Variants in PABPC4 observed in about 807,000 individuals in gnomAD.
The protein encoded by PABPC4 is poly(A) binding protein cytoplasmic 4, also known as polyadenylate-binding protein 4.
PABPC4 carries 15 observed loss-of-function variants against 74.5 expected under a neutral mutation model. The observed-to-expected ratio is 0.20, with a 90% CI of 0.13 to 0.31. The LOEUF (loss-of-function observed/expected upper bound fraction) is 0.31. Ranked by LOEUF, PABPC4 falls within the 10% of genes least tolerant of loss-of-function variation. The pLI, the probability that PABPC4 is intolerant of heterozygous loss-of-function variation, is 1.00. For synonymous variants in PABPC4, 345 were observed against 303.0 expected (o/e 1.14, Z -1.44); for missense variants, 610 against 853.5 (o/e 0.71, Z 3.55).
intron 1 of PABPC4, among the ~76,000 whole-genome samples, chr1:39,574,794 T>C (rs1323423634): frequency 6.6e-6 from 1 of 152,254 alleles, no homozygotes. Flanking sequence ...TCTCTGCAGT[T>C]GTTCCCTTTT....
In PABPC4 at chr1:39,572,645, A is replaced by G. The variant is rs1289845238; in HGVS notation, c.194-59T>C. 6 of 1,361,622 alleles carry G rather than the reference A, an allele frequency of 4.4e-6. No individual in the cohort carries two copies. In the East Asian group the frequency reaches 1.4e-4, roughly 31 times the overall value. 84.3% of individuals were successfully genotyped at this position (1,361,622 alleles called of 1,614,324 possible). On this transcript the variant is annotated intron_variant, in intron 1 of 15. Transcript: ENST00000372858. ...AAAACGTCAGCTCCCACAGGCCAAC[A>G]GCCTAAGAACAGATTACTCCAGGAC...
At chr1:39,567,237 A>G (rs1645861022) in intron 7 of PABPC4, 5 of 345,228 alleles carry the variant, frequency 1.4e-5, no homozygotes, top group South Asian at 1.2e-4. Flanking sequence ...TATGATTATC[A>G]AAGAAAATCA....
chr1:39,569,737 T>C (rs748052404), intron 4 of PABPC4, 48 bp from the exon 5 acceptor site: 3 of 1,587,834 alleles, frequency 1.9e-6, no homozygotes, highest in Non-Finnish European at 2.6e-6. Flanking sequence ...TGAGCACAGC[T>C]CAGGAACAGA....
intron 10 of PABPC4, 33 bp from the exon 11 acceptor site, chr1:39,563,955 G>A: frequency 6.3e-7 from 1 of 1,598,154 alleles, no homozygotes; most frequent in Non-Finnish European, 8.6e-7. Context: ...CATCAGTGTT[G>A]GCGGCAGATG....
chr1:39,567,979 C>T (rs11206343), intron 6 of PABPC4, 133 bp from the exon 7 acceptor site: 27,446 of 593,738 alleles, frequency 0.046, 1,885 homozygotes, highest in East Asian at 0.28. Flanking sequence ...AATTCTCGGC[C>T]GGACGCGGTG....
In PABPC4 at chr1:39,564,259, A is replaced by AG. The variant is rs1645802897; in HGVS notation, c.1453+163_1453+164insC. The AG allele has an allele frequency of 8.2e-6, 6 of 735,934 alleles. No individual in the cohort carries two copies. The Admixed American group carries it at 1.5e-4, about 18-fold the overall frequency. 45.6% of individuals were successfully genotyped at this position (735,934 alleles called of 1,614,324 possible). A position where few individuals can be genotyped will look rare whatever the true frequency, so the allele number is the denominator to read the frequency against. ...AAAGCAACTGACACACCTAGAACTC[A>AG]TACTGTTTCTCTGCTCCTGAAGTGG... On this transcript the variant is annotated intron_variant, in intron 10 of 15. Transcript: ENST00000372858.
At chr1:39,571,566 G>A (rs1358257136) in intron 2 of PABPC4, 1 of 603,320 alleles carries the variant, frequency 1.7e-6, no homozygotes, top group East Asian at 2.9e-5. Context: ...TATTCCAAAT[G>A]TTTTATTTTT....
intron 7 of PABPC4, among the ~76,000 whole-genome samples, chr1:39,566,853 A>G (rs1645852110): frequency 6.6e-6 from 1 of 152,200 alleles, no homozygotes; most frequent in Non-Finnish European, 1.5e-5. Flanking sequence ...ACGAAAGGGT[A>G]AGAACTGGGC....
Position 39,561,733 on chromosome 1 carries a change from G to C in PABPC4, c.1948C>G (p.Gln650Glu), listed in dbSNP as rs748430557. ...QAHHAKKEAAQKVGAVAAATS is the reference protein window; with the variant it reads ...QAHHAKKEAAEKVGAVAAATS Reference sequence around the variant, plus strand: ...GCAGCAGCAACAGCGCCCACCTTCTGGGCAGCTTCTTTCTTGGCATGATGA... The same window carrying C: ...GCAGCAGCAACAGCGCCCACCTTCTCGGCAGCTTCTTTCTTGGCATGATGA... The change falls in exon 15 of 16, where the codon CAG becomes GAG. Residue 650 changes from glutamine to glutamate, a missense_variant. By Grantham distance (29) the Gln-to-Glu change is conservative. Around this residue, in one of 4 missense-constraint regions of PABPC4, gnomAD observed 29 missense variants for 51.6 expected, o/e 0.56. Transcript: ENST00000372858. 1.2e-5 allele frequency: 20 copies of C among 1,613,854 alleles called. No individual in the cohort carries two copies. Among genetic ancestry groups the C allele is most frequent in the Non-Finnish European group, 1.4e-5 (17 of 1,179,990 alleles).
intron 5 of PABPC4, 145 bp downstream of exon 5, chr1:39,569,450 A>AT (rs2124458735): frequency 3.1e-6 from 2 of 653,648 alleles, no homozygotes; most frequent in African/African-American, 3.6e-5. Flanking sequence ...TGCGGAACCC[A>AT]GGAAGATGAT....
At chr1:39,563,480 C>T in intron 12 of PABPC4, 134 bp downstream of exon 12, 1 of 1,155,494 alleles carries the variant, frequency 8.7e-7, no homozygotes, top group Non-Finnish European at 1.2e-6. Context: ...AGGGCAGGGA[C>T]AGTGAATCAG....
chr1:39,566,117 CTAA>C (rs893375230), intron 7 of PABPC4, among the ~76,000 whole-genome samples: 2 of 152,082 alleles, frequency 1.3e-5, no homozygotes, highest in African/African-American at 2.4e-5. Flanking sequence ...TATGATATGG[CTAA>C]TAATAAAACC....
In PABPC4 at chr1:39,561,743, T is replaced by C. The variant is rs1316353237; in HGVS notation, c.1938A>G (p.Lys646=). ...CAGCGCCCACCTTCTGGGCAGCTTC[T>C]TTCTTGGCATGATGAGCCTGTAGAA... is the stretch of plus-strand genomic sequence containing the variant. ...VAVLQAHHAK[K]EAAQKVGAVA... is the part of the protein sequence containing the mutation. Residue 646 remains lysine (K), a synonymous_variant, in exon 15 of 16, where the codon AAA becomes AAG. Transcript: ENST00000372858. 1.2e-6 allele frequency: 2 copies of C among 1,613,944 alleles called. No homozygotes were observed. Among genetic ancestry groups the C allele is most frequent in the African/African-American group, 1.3e-5 (1 of 74,930 alleles).
chr1:39,576,214 T>C lies in PABPC4; in HGVS notation c.-263A>G. On this transcript the variant is annotated 5_prime_UTR_variant, in exon 1 of 16. Coordinates refer to ENST00000372858, the MANE Select transcript of PABPC4 (RefSeq NM_001135653.2). Reference sequence around the variant, plus strand: ...GCGACTTTGCACTTCTCCGCGGTCCTGGTGCGAAGCTCCAAATTTCAAAAA... The same window carrying C: ...GCGACTTTGCACTTCTCCGCGGTCCCGGTGCGAAGCTCCAAATTTCAAAAA... 1 of 383,906 alleles carries C rather than the reference T, an allele frequency of 2.6e-6. No individual in the cohort carries two copies. Among genetic ancestry groups the C allele is most frequent in the Non-Finnish European group, 4.6e-6 (1 of 216,442 alleles). The allele number at this position is 383,906 out of a possible 1,614,324, so 23.8% of individuals were successfully genotyped here.
chr1:39,564,307 T>C (rs1645803405), intron 10 of PABPC4, 116 bp downstream of exon 10: 1 of 1,255,854 alleles, frequency 8.0e-7, no homozygotes, highest in Non-Finnish European at 1.1e-6. Context: ...ACAGCTAAGA[T>C]TACAGAACCA....
intron 2 of PABPC4, among the ~76,000 whole-genome samples, chr1:39,572,045 G>A (rs773546051): frequency 1.3e-5 from 2 of 152,200 alleles, no homozygotes; most frequent in Non-Finnish European, 2.9e-5. Context: ...ATACGTAGAA[G>A]GAATAGAGTG....
chr1:39,568,984 G>T, intron 5 of PABPC4, 45 bp from the exon 6 acceptor site: 1 of 1,573,988 alleles, frequency 6.4e-7, no homozygotes. Flanking sequence ...GCAGCGATGG[G>T]GTCTTATTCT....
chr1:39,574,365 G>A (rs1287528011), intron 1 of PABPC4, among the ~76,000 whole-genome samples: 4 of 152,226 alleles, frequency 2.6e-5, no homozygotes, highest in Admixed American at 6.5e-5. Flanking sequence ...AGACAGCACT[G>A]CACAAGGCAA....
At chr1:39,562,239 A>AGCTCTCCGTC in intron 13 of PABPC4, 36 bp from the exon 14 acceptor site, 1 of 1,613,576 alleles carries the variant, frequency 6.2e-7, no homozygotes, top group Non-Finnish European at 8.5e-7. Context: ...AACAAATCAA[A>AGCTCTCCGTC]TCCCAGTAAA....
Sources: gnomAD v4.1 joint callset for allele counts (sites outside exome capture counted in the v4.1 genomes callset) on GRCh38, gnomAD v4.1.1 for gene constraint, gnomAD v4.1.1 regional missense constraint, MANE v1.5 for transcripts, NCBI Gene and HGNC (gene_info 2026-07-23, HGNC 2026-07-21) for gene names.